DIDO1: variants seen among roughly 807,000 people sequenced by gnomAD.
DIDO1 encodes death-inducer obliterator 1.
A neutral mutation model predicts 99.4 loss-of-function variants in DIDO1; 16 were observed. The ratio of observed to expected loss-of-function variants is 0.16; its 90% CI spans 0.11 to 0.24. DIDO1 has a LOEUF of 0.24. DIDO1 is among the 10% of genes least tolerant of loss of function. DIDO1 has a pLI of 1.00. For synonymous variants in DIDO1, 1,366 were observed against 1,239.1 expected (o/e 1.10, Z -2.15); for missense variants, 2,996 against 3,014.0 (o/e 0.99, Z 0.14).
chr20:62,893,786 G>A lies in DIDO1; in HGVS notation c.2981C>T (p.Ala994Val). 1 of 1,614,160 alleles carries A rather than the reference G, an allele frequency of 6.2e-7. No homozygotes were observed. Among genetic ancestry groups the A allele is most frequent in the Non-Finnish European group, 8.5e-7 (1 of 1,180,038 alleles). The change falls in exon 12 of 16, where the codon GCC becomes GTC. Residue 994 changes from alanine (A) to valine (V), a missense_variant. Ala to Val is a moderately conservative substitution (Grantham distance 64). Around this residue, in one of 5 missense-constraint regions of DIDO1, gnomAD observed 898 missense variants for 972.7 expected, o/e 0.92. Coordinates refer to ENST00000395343, the MANE Select transcript of DIDO1 (RefSeq NM_001193369.2). ...SRPDSTHMVEARQDVPKPVLT... is the reference protein window; with the variant it reads ...SRPDSTHMVEVRQDVPKPVLT... ...GACAGGCTTCGGCACATCCTGTCTG[G>A]CTTCCACCATGTGGGTGCTGTCTGG...
rs267606046 is a variant in DIDO1 at position 62,905,850 on chromosome 20, G to A, written c.1588+37C>T. The A allele has an allele frequency of 3.1e-6, 5 of 1,614,120 alleles. No individual in the cohort carries two copies. In the African/African-American group the frequency reaches 5.3e-5, roughly 17 times the overall value. On this transcript the variant is annotated intron_variant, in intron 6 of 15. Transcript: ENST00000395343. Reference sequence around the variant, plus strand: ...GGGGATGGCTATCCAGAAAGAACGGGAGGGGTCCAGGAGGCCAACCCCTAG... The same window carrying A: ...GGGGATGGCTATCCAGAAAGAACGGAAGGGGTCCAGGAGGCCAACCCCTAG...
Position 62,894,000 on chromosome 20 carries a change from T to C in DIDO1, c.2767A>G (p.Asn923Asp). ...EPGLESASHP[N>D]VDRTYFPGPP... ...CCAGGGAAATACGTTCTGTCCACAT[T>C]TGGATGAGAAGCACTTTCTAGGCCT... The change falls in exon 12 of 16, where the codon AAT becomes GAT. Residue 923 changes from asparagine (N) to aspartate (D), a missense_variant. Coordinates refer to ENST00000395343, the MANE Select transcript of DIDO1 (RefSeq NM_001193369.2). The C allele has an allele frequency of 8.1e-6, 13 of 1,614,074 alleles. No individual in the cohort carries two copies. The highest frequency in any genetic ancestry group is 1.1e-5 in the Non-Finnish European group (13 of 1,180,018).
intron 6 of DIDO1, among the ~76,000 whole-genome samples, chr20:62,900,859 G>A (rs2064656056): frequency 6.6e-6 from 1 of 152,172 alleles, no homozygotes; most frequent in Non-Finnish European, 1.5e-5. Flanking sequence ...CTATGCACCT[G>A]AAAACAGACT....
intron 1 of DIDO1, among the ~76,000 whole-genome samples, chr20:62,922,087 C>CTATA (rs535513952): frequency 5.0e-5 from 7 of 139,132 alleles, no homozygotes; most frequent in South Asian, 4.5e-4. Flanking sequence ...TATATACACA[C>CTATA]TATATATACA....
At chr20:62,897,159 A>G (rs1187261899) in intron 6 of DIDO1, among the ~76,000 whole-genome samples, 163 bp from the exon 7 acceptor site, 1 of 152,226 alleles carries the variant, frequency 6.6e-6, no homozygotes, top group Non-Finnish European at 1.5e-5. Context: ...TGTTCAGAGG[A>G]GTGTAAGGGA....
In DIDO1 at chr20:62,881,229, TCC is replaced by T; in HGVS notation, c.4725_4726del (p.Glu1576AlafsTer103). ...ACGTGCCGAGAGCCTGGAGAGAGGC[TCC>T]CCCTCCCCCTCACCGGTCTCAGTGG... On this transcript the variant is annotated frameshift_variant, in exon 16 of 16. Coordinates refer to ENST00000395343, the MANE Select transcript of DIDO1 (RefSeq NM_001193369.2). LOFTEE classifies it low-confidence loss of function (END_TRUNC). This position sits in a 1 kb window ranked among gnomAD's most constrained non-coding sequence, Gnocchi z 8.3. The T allele has an allele frequency of 6.2e-7, 1 of 1,600,548 alleles. No individual in the cohort carries two copies. Among genetic ancestry groups the T allele is most frequent in the Non-Finnish European group, 8.5e-7 (1 of 1,176,468 alleles).
At chr20:62,920,515 G>A (rs2065118071) in intron 1 of DIDO1, among the ~76,000 whole-genome samples, 1 of 152,180 alleles carries the variant, frequency 6.6e-6, no homozygotes, top group African/African-American at 2.4e-5. Flanking sequence ...GCAAGCACAT[G>A]GTTGAGCCAC....
At chr20:62,930,870 G>A (rs2065326081), upstream of DIDO1, among the ~76,000 whole-genome samples, 1 of 152,214 alleles carries the variant, frequency 6.6e-6, no homozygotes, top group Non-Finnish European at 1.5e-5. Flanking sequence ...TCTCATGGCA[G>A]GGAACTGAAT....
At chr20:62,929,372 T>C (rs1304210272), upstream of DIDO1, 4 of 152,404 alleles carry the variant, frequency 2.6e-5, no homozygotes, top group African/African-American at 9.7e-5. Flanking sequence ...CGCCTGGGCC[T>C]CGGCGCTGGG....
At position 62,880,868 on chromosome 20, in the gene DIDO1, G is replaced by T. The variant is rs1011221678; in HGVS notation, c.5088C>A (p.Gly1696=). The change falls in exon 16 of 16, where the codon GGC becomes GGA. Residue 1696 remains glycine (G), a synonymous_variant. Coordinates refer to ENST00000395343, the MANE Select transcript of DIDO1 (RefSeq NM_001193369.2). ...TTCTTGGGTCCTCATACTGGGCTGA[G>T]CCGAGAGCCTTGTCCTGCGACGCGA... ...PGFASQDKAL[G]SAQYEDPRNL... is the part of the protein sequence containing the mutation. 6 of 1,612,556 alleles carry T rather than the reference G, an allele frequency of 3.7e-6. No individual in the cohort carries two copies. In the African/African-American group the frequency reaches 8.0e-5, roughly 22 times the overall value.
intron 6 of DIDO1, among the ~76,000 whole-genome samples, chr20:62,899,127 C>A (rs999640373): frequency 1.3e-5 from 2 of 152,224 alleles, no homozygotes; most frequent in East Asian, 3.8e-4. Flanking sequence ...CACCAGGAAC[C>A]AAGCCCCGGT....
rs758041935 is a variant in DIDO1, at chr20:62,909,828, A to G, written c.1032T>C (p.Asp344=). Residue 344 remains aspartate, a synonymous_variant, in exon 4 of 16, where the codon GAT becomes GAC. Coordinates refer to ENST00000395343, the MANE Select transcript of DIDO1 (RefSeq NM_001193369.2). ...DQQEAKWRPG[D]ADGTDCTSIG... is the part of the protein sequence containing the mutation. ...TACTTGTACAATCGGTGCCATCAGC[A>G]TCTCCAGGTCTCCATTTAGCTTCCT... 1.2e-6 allele frequency: 2 copies of G among 1,614,222 alleles called. No homozygotes were observed. Among genetic ancestry groups the G allele is most frequent in the Admixed American group, 1.7e-5 (1 of 60,024 alleles).
chr20:62,931,494 G>A (rs755522663), upstream of DIDO1, among the ~76,000 whole-genome samples: 16 of 152,130 alleles, frequency 1.1e-4, no homozygotes, highest in Non-Finnish European at 1.8e-4. Context: ...CCAAAAAAAC[G>A]CTTGGACAGA....
In DIDO1 at chr20:62,881,422, C is replaced by A. The variant is rs770071656; in HGVS notation, c.4534G>T (p.Ala1512Ser). 1 of 1,608,084 alleles carries A rather than the reference C, an allele frequency of 6.2e-7. No individual in the cohort carries two copies. The highest frequency in any genetic ancestry group is 1.7e-5 in the Admixed American group (1 of 60,022). Residue 1512 changes from alanine (A) to serine (S), a missense_variant, in exon 16 of 16, where the codon GCC becomes TCC. This residue lies in a region of DIDO1 where 1,562 missense variants were observed against 1,412.6 expected (regional missense o/e 1.11). Coordinates refer to ENST00000395343, the MANE Select transcript of DIDO1 (RefSeq NM_001193369.2). The surrounding 1 kb of genome is among the most constrained non-coding windows in gnomAD (Gnocchi z 8.3). The part of the protein sequence containing the change: ...QQRAAVGVSM[A>S]HFSVSDALMS... The stretch of plus-strand genomic sequence containing the variant: ...AAGGCGTCCGACACCGAGAAGTGGG[C>A]CATGGAGACCCCGACGGCGGCCCTC...
In DIDO1 at chr20:62,911,463, C is replaced by T. The variant is rs754991887; in HGVS notation, c.150G>A (p.Pro50=). 15 of 1,611,484 alleles carry T rather than the reference C, an allele frequency of 9.3e-6. No individual in the cohort carries two copies. Among genetic ancestry groups the T allele is most frequent in the Admixed American group, 8.4e-5 (5 of 59,766 alleles). ...AGDAEADPLE[P]PPPQQQLGLS... is the part of the protein sequence containing the mutation. ...GGCCCAGCTGCTGCTGTGGGGGTGG[C>T]GGCTCCAGTGGGTCAGCCTCCGCGT... Residue 50 remains proline, a synonymous_variant, in exon 3 of 16, where the codon CCG becomes CCA. Coordinates refer to ENST00000395343, the MANE Select transcript of DIDO1 (RefSeq NM_001193369.2). This position sits in a 1 kb window ranked among gnomAD's most constrained non-coding sequence, Gnocchi z 7.0.
chr20:62,930,949 T>C (rs1004848661), upstream of DIDO1, among the ~76,000 whole-genome samples: 10 of 152,364 alleles, frequency 6.6e-5, no homozygotes, highest in African/African-American at 2.4e-4. Flanking sequence ...GTTTGTGTTG[T>C]TGTTTTCCTT....
intron 1 of DIDO1, among the ~76,000 whole-genome samples, chr20:62,934,431 C>T (rs538102474): frequency 3.3e-5 from 5 of 152,290 alleles, no homozygotes; most frequent in African/African-American, 9.6e-5. Flanking sequence ...TCTGACCTCC[C>T]TACTACATAC....
At position 62,879,486 on chromosome 20, in the gene DIDO1, C is replaced by T. The variant is rs2147338636; in HGVS notation, c.6470G>A (p.Arg2157His). The change falls in exon 16 of 16, where the codon CGC becomes CAC. Residue 2157 changes from arginine (R) to histidine (H), a missense_variant. Physicochemically the swap from Arg to His is conservative, Grantham distance 29 (BLOSUM62 0). Coordinates refer to ENST00000395343, the MANE Select transcript of DIDO1 (RefSeq NM_001193369.2). The surrounding 1 kb of genome is among the most constrained non-coding windows in gnomAD (Gnocchi z 6.3). Reference protein sequence around the residue: ...WDRNRERSANRDREREADRGK... With the variant: ...WDRNRERSANHDREREADRGK... Reference sequence around the variant, plus strand: ...CCGGTCGGCCTCGCGCTCTCGGTCGCGGTTGGCGCTCCTCTCCCGGTTTCT... The same window carrying T: ...CCGGTCGGCCTCGCGCTCTCGGTCGTGGTTGGCGCTCCTCTCCCGGTTTCT... The T allele has an allele frequency of 1.3e-6, 2 of 1,589,586 alleles. No homozygotes were observed. Among genetic ancestry groups the T allele is most frequent in the African/African-American group, 2.7e-5 (2 of 74,212 alleles).
At chr20:62,935,716 A>C (rs1246761496) in intron 1 of DIDO1, among the ~76,000 whole-genome samples, 1 of 152,240 alleles carries the variant, frequency 6.6e-6, no homozygotes, top group Non-Finnish European at 1.5e-5. Context: ...CTAACTTTAC[A>C]CAGGCAACTG....
Sources: allele counts gnomAD v4.1 joint callset (sites outside exome capture counted in the v4.1 genomes callset), GRCh38; gene constraint gnomAD v4.1.1; regional missense constraint gnomAD v4.1.1; non-coding constraint Gnocchi (gnomAD v3.1); transcripts MANE v1.5; gene names NCBI Gene and HGNC (gene_info 2026-07-23, HGNC 2026-07-21).